Variants in MAP3K15 observed in about 807,000 individuals in gnomAD.
MAP3K15 encodes the protein MAPK/ERK kinase kinase 15.
A neutral mutation model predicts 99.5 loss-of-function variants in MAP3K15; 124 were observed. That is an observed-to-expected ratio of 1.25 (90% CI 1.08 to 1.45). The LOEUF (loss-of-function observed/expected upper bound fraction) is 1.45, where lower values mean the gene tolerates loss of function less well. Among genes scored for constraint, MAP3K15 ranks in the 40% most tolerant of loss-of-function variants. The pLI, the probability that MAP3K15 is intolerant of heterozygous loss-of-function variation, is 0.00. For synonymous variants in MAP3K15, 494 were observed against 439.6 expected (o/e 1.12, Z -1.55); for missense variants, 1,242 against 1,079.7 (o/e 1.15, Z -2.11).
At chrX:19,507,575 C>CAAAAAAAAAAAAAAAAAAAA (rs1165492097) in intron 1 of MAP3K15, among the ~76,000 whole-genome samples, 1 of 10,892 alleles carries the variant, frequency 9.2e-5, no homozygotes, top group Non-Finnish European at 1.6e-4. Flanking sequence ...CACCTTGTCT[C>CAAAAAAAAAAAAAAAAAAAA]AAAAAAAAAA....
chrX:19,425,181 G>A (rs1379931411), intron 9 of MAP3K15, among the ~76,000 whole-genome samples: 1 of 111,520 alleles, frequency 9.0e-6, no homozygotes, highest in Admixed American at 9.6e-5. Flanking sequence ...TTTCATTTGT[G>A]ATAAACATTT....
chrX:19,373,410 A>G, intron 21 of MAP3K15, 126 bp downstream of exon 21: 1 of 853,849 alleles, frequency 1.2e-6, no homozygotes, highest in Admixed American at 3.1e-5. Flanking sequence ...CAGCTGCCCT[A>G]CTGCCCTGCA....
intron 19 of MAP3K15, among the ~76,000 whole-genome samples, chrX:19,378,217 C>T (rs993022021): frequency 8.9e-6 from 1 of 112,459 alleles, no homozygotes; most frequent in Non-Finnish European, 1.9e-5. Flanking sequence ...CCACACACTG[C>T]GGCCTCATCA....
intron 15 of MAP3K15, among the ~76,000 whole-genome samples, chrX:19,397,483 C>T (rs1485959320): frequency 1.8e-5 from 2 of 111,151 alleles, no homozygotes; most frequent in East Asian, 2.8e-4. Flanking sequence ...GGCATGGTGA[C>T]GTGTGTCTGT....
At chrX:19,475,327 T>A (rs968228445) in intron 3 of MAP3K15, among the ~76,000 whole-genome samples, 1 of 111,110 alleles carries the variant, frequency 9.0e-6, no homozygotes, top group Non-Finnish European at 1.9e-5. Flanking sequence ...CGGGCGGTAA[T>A]GCGAGCAATG....
At chrX:19,404,152 T>C (rs2147264917) in intron 13 of MAP3K15, among the ~76,000 whole-genome samples, 1 of 111,915 alleles carries the variant, frequency 8.9e-6, no homozygotes, top group African/African-American at 3.2e-5. Context: ...AGCTAATACA[T>C]GAGTTCAGCA....
chrX:19,423,494 C>A (rs933892803), intron 9 of MAP3K15, among the ~76,000 whole-genome samples: 2 of 112,231 alleles, frequency 1.8e-5, no homozygotes, highest in Non-Finnish European at 1.9e-5. Flanking sequence ...AGTTGCCAGG[C>A]AGTGGTGGTC....
At chrX:19,408,812 G>T (rs1464404216) in intron 12 of MAP3K15, among the ~76,000 whole-genome samples, 1 of 111,592 alleles carries the variant, frequency 9.0e-6, no homozygotes, top group Non-Finnish European at 1.9e-5. Flanking sequence ...TTTAAAGAAA[G>T]GCCTTTCTTG....
intron 6 of MAP3K15, among the ~76,000 whole-genome samples, chrX:19,447,883 C>CAAAAAAAAAAAAAAA (rs753152404): frequency 4.2e-4 from 11 of 25,963 alleles, no homozygotes; most frequent in African/African-American, 1.3e-3. Context: ...GACTCCGTCT[C>CAAAAAAAAAAAAAAA]AAAAAAAAAA....
At chrX:19,465,741 G>A (rs757776625) in intron 3 of MAP3K15, among the ~76,000 whole-genome samples, 4 of 110,268 alleles carry the variant, frequency 3.6e-5, no homozygotes, top group East Asian at 5.7e-4. Flanking sequence ...GCAACAGAGC[G>A]AGACTACATC....
chrX:19,464,522 C>T (rs1170891855), intron 3 of MAP3K15, 116 bp from the exon 4 acceptor site: 9 of 508,008 alleles, frequency 1.8e-5, no homozygotes, highest in Non-Finnish European at 2.8e-5. Flanking sequence ...GAAAACAATT[C>T]GTTCAATACG....
At chrX:19,364,599 T>C (rs189251049) in intron 25 of MAP3K15, among the ~76,000 whole-genome samples, 24 of 111,232 alleles carry the variant, frequency 2.2e-4, no homozygotes, top group Non-Finnish European at 4.1e-4. Context: ...TGTGTAAAAA[T>C]TGGTTATAAA....
chrX:19,414,398 A>G (rs2063716168), intron 10 of MAP3K15: 3 of 243,214 alleles, frequency 1.2e-5, no homozygotes, highest in Non-Finnish European at 1.7e-5. Context: ...CATTTCAAAC[A>G]ATATTTTATT....
chrX:19,439,696 T>C (rs1409064721), intron 6 of MAP3K15, among the ~76,000 whole-genome samples: 1 of 111,931 alleles, frequency 8.9e-6, no homozygotes, highest in Non-Finnish European at 1.9e-5. Flanking sequence ...CTCAAACTCC[T>C]GGCCTCAAGT....
At chrX:19,381,729 G>A (rs1042598550) in intron 18 of MAP3K15, among the ~76,000 whole-genome samples, 3 of 112,297 alleles carry the variant, frequency 2.7e-5, no homozygotes, top group Non-Finnish European at 5.6e-5. Context: ...CACACGGGGA[G>A]GTCAGTCAAG....
chrX:19,396,815 T>A (rs1284177458), intron 15 of MAP3K15, among the ~76,000 whole-genome samples: 1 of 111,843 alleles, frequency 8.9e-6, no homozygotes, highest in Non-Finnish European at 1.9e-5. Context: ...CCGGAATGAT[T>A]AATTCCAACT....
chrX:19,467,592 C>T (rs1348306294), intron 3 of MAP3K15, among the ~76,000 whole-genome samples: 1 of 109,724 alleles, frequency 9.1e-6, no homozygotes, highest in African/African-American at 3.3e-5. Context: ...CATGGTGAAA[C>T]CCCCTCTCTA....
chrX:19,460,195 C>T (rs376577442), intron 4 of MAP3K15, 42 bp from the exon 5 acceptor site: 68 of 1,014,189 alleles, frequency 6.7e-5, no homozygotes, highest in African/African-American at 7.7e-5. Context: ...CACATCTGCA[C>T]GCACCCAGGA....
intron 12 of MAP3K15, among the ~76,000 whole-genome samples, chrX:19,409,674 A>T (rs1000896245): frequency 4.5e-5 from 5 of 112,066 alleles, no homozygotes; most frequent in African/African-American, 1.6e-4. Context: ...TTTAAAAAAA[A>T]TGGCACAAGT....
Sources: allele counts gnomAD v4.1 joint callset (sites outside exome capture counted in the v4.1 genomes callset), GRCh38; gene constraint gnomAD v4.1.1; transcripts MANE v1.5; gene names NCBI Gene and HGNC (gene_info 2026-07-23, HGNC 2026-07-21).